The following PCNT variants were observed in gnomAD, a reference collection of about 807,000 sequenced individuals.
The protein encoded by PCNT is kendrin.
Under a neutral mutation model 380.4 loss-of-function variants are expected in PCNT, and 319 were observed. The observed-to-expected ratio is 0.84, with a 90% CI of 0.77 to 0.92. The LOEUF (loss-of-function observed/expected upper bound fraction) is 0.92. Among genes scored for constraint, PCNT ranks in the 40% least tolerant of loss-of-function variants. The pLI is 0.00. For synonymous variants in PCNT, 1,845 were observed against 1,735.2 expected (o/e 1.06, Z -1.57); for missense variants, 4,400 against 4,255.3 (o/e 1.03, Z -0.95).
intron 43 of PCNT, among the ~76,000 whole-genome samples, chr21:46,441,887 G>A (rs1279895645): frequency 2.0e-5 from 3 of 152,152 alleles, no homozygotes; most frequent in Admixed American, 2.0e-4. Flanking sequence ...AAGGGGCCTT[G>A]ACAGGTCTTA....
intron 2 of PCNT, among the ~76,000 whole-genome samples, chr21:46,328,129 T>A (rs974700871): frequency 1.3e-5 from 2 of 152,250 alleles, no homozygotes; most frequent in African/African-American, 4.8e-5. Flanking sequence ...AAGGTCATAA[T>A]GTATGTATCC....
At position 46,369,840 on chromosome 21, in the gene PCNT, G is replaced by A. The variant is rs2085054631; in HGVS notation, c.3165+2701G>A. ...GAGGACCAAAGCCCTGGACAGGGTGGGTGCCAAGGTCCTGCTCCTGGAGCA... is the reference window on the plus strand; with the variant it reads ...GAGGACCAAAGCCCTGGACAGGGTGAGTGCCAAGGTCCTGCTCCTGGAGCA... On this transcript the variant is annotated intron_variant, in intron 15 of 46. Transcript: ENST00000359568. 2.6e-5 allele frequency among the ~76,000 whole-genome samples: 4 copies of A among 152,178 alleles called. No homozygotes were observed. In the South Asian group the frequency reaches 8.3e-4, roughly 31 times the overall value.
At chr21:46,428,616 G>C (rs1222495703) in intron 35 of PCNT, 26 bp downstream of exon 35, 2 of 1,568,696 alleles carry the variant, frequency 1.3e-6, no homozygotes, top group African/African-American at 2.7e-5. Flanking sequence ...TACACTGCCT[G>C]GGGCCCGGCC....
Position 46,388,269 on chromosome 21 carries a change from T to C in PCNT, c.3465-473T>C, listed in dbSNP as rs546191937. 1.3e-5 allele frequency among the ~76,000 whole-genome samples: 2 copies of C among 151,474 alleles called. No homozygotes were observed. Among genetic ancestry groups the C allele is most frequent in the South Asian group, 2.1e-4 (1 of 4,780 alleles). ...ACGTCCACGAGGCCTAGCGAGAGGC[T>C]GGGAGACACCATCCTCTTCCTGCCA... On this transcript the variant is annotated intron_variant, in intron 17 of 46. Transcript: ENST00000359568. This position sits in a 1 kb window ranked among gnomAD's most constrained non-coding sequence, Gnocchi z 4.2.
chr21:46,349,963 C>G (rs190313837), intron 8 of PCNT, 143 bp downstream of exon 8: 1 of 854,202 alleles, frequency 1.2e-6, no homozygotes, highest in East Asian at 2.7e-5. Context: ...GTGGTTCACG[C>G]CTGTAACTCT....
chr21:46,415,400 CAG>C (rs1320329547), intron 29 of PCNT, among the ~76,000 whole-genome samples: 4 of 99,292 alleles, frequency 4.0e-5, no homozygotes, highest in Non-Finnish European at 7.2e-5. Context: ...TTTTTTGAGA[CAG>C]AGTCTCGCTC....
intron 37 of PCNT, 46 bp from the exon 38 acceptor site, chr21:46,431,483 T>G (rs2087760044): frequency 1.2e-6 from 2 of 1,613,480 alleles, no homozygotes; most frequent in African/African-American, 2.7e-5. Context: ...TGTAGACACT[T>G]TTCCTCTTGA....
At chr21:46,345,282 A>G (rs2084029993) in intron 3 of PCNT, among the ~76,000 whole-genome samples, 1 of 151,932 alleles carries the variant, frequency 6.6e-6, no homozygotes, top group Non-Finnish European at 1.5e-5. Context: ...CAGTGGTGTG[A>G]TCTCAGCTCA....
At chr21:46,441,394 A>G (rs2053602923) in intron 43 of PCNT, among the ~76,000 whole-genome samples, 1 of 152,094 alleles carries the variant, frequency 6.6e-6, no homozygotes, top group African/African-American at 2.4e-5. Flanking sequence ...TTTTCCCCCT[A>G]AACACTGTGC....
In PCNT at chr21:46,334,726, A is replaced by T. The variant is rs200995216; in HGVS notation, c.597A>T (p.Thr199=). Residue 199 remains threonine (T), a synonymous_variant, in exon 3 of 47, where the codon ACA becomes ACT. Coordinates refer to ENST00000359568, the MANE Select transcript of PCNT (RefSeq NM_006031.6). ...CACCAGAACAGCGTGGGATCTTCAC[A>T]ATCAGTGACCACCCAGCAGAACAGC... ...DHTPEQRGIF[T]ISDHPAEQRG... 1.2e-5 allele frequency: 20 copies of T among 1,613,892 alleles called. No individual in the cohort carries two copies. The highest frequency in any genetic ancestry group is 1.7e-5 in the Non-Finnish European group (20 of 1,179,862).
Position 46,416,208 on chromosome 21 carries a change from T to G in PCNT, c.6290T>G (p.Leu2097Arg), listed in dbSNP as rs2839245. 1 of 1,614,060 alleles carries G rather than the reference T, an allele frequency of 6.2e-7. No individual in the cohort carries two copies. The highest frequency in any genetic ancestry group is 8.5e-7 in the Non-Finnish European group (1 of 1,180,016). Residue 2097 changes from leucine to arginine, a missense_variant, in exon 30 of 47, where the codon CTG (leucine) becomes CGG (arginine). Coordinates refer to ENST00000359568, the MANE Select transcript of PCNT (RefSeq NM_006031.6). ...QNVDAADTKSLWPMASAHLLE... is the reference protein window; with the variant it reads ...QNVDAADTKSRWPMASAHLLE... The stretch of plus-strand genomic sequence containing the variant: ...GTGGATGCTGCCGACACCAAATCTC[T>G]GTGGCCCATGGCCTCAGCACACCTG...
At chr21:46,350,883 C>T (rs1408277468) in intron 8 of PCNT, among the ~76,000 whole-genome samples, 2 of 152,198 alleles carry the variant, frequency 1.3e-5, no homozygotes, top group Non-Finnish European at 2.9e-5. Flanking sequence ...GACAGGCCAG[C>T]CCCAGGTGCA....
chr21:46,443,841 C>T lies in PCNT; in HGVS notation c.9732C>T (p.Pro3244=). ...GAGCACGACAGCCGCAGTCTCCACC[C>T]AGAACCAGAGAGTCCCCCCCAACCC... ...GPRARQPQSP[P]RTRESPPTRD... Residue 3244 remains proline (P), a synonymous_variant, in exon 45 of 47, where the codon CCC becomes CCT. Transcript: ENST00000359568. The T allele has an allele frequency of 6.2e-7, 1 of 1,613,646 alleles. No individual in the cohort carries two copies.
chr21:46,426,073 T>A (rs923178209), intron 33 of PCNT, 102 bp downstream of exon 33: 7 of 816,148 alleles, frequency 8.6e-6, no homozygotes, highest in Admixed American at 7.7e-5. Flanking sequence ...TTCTTTCTTT[T>A]TTTTTTTTTT....
intron 31 of PCNT, among the ~76,000 whole-genome samples, chr21:46,419,660 A>G (rs1029691486): frequency 1.1e-4 from 17 of 152,182 alleles, no homozygotes; most frequent in African/African-American, 4.1e-4. Context: ...GTCCAGGTGA[A>G]TGTCATCCAA....
chr21:46,401,742 T>A (rs1194601903), intron 26 of PCNT, 21 bp downstream of exon 26: 1 of 1,613,590 alleles, frequency 6.2e-7, no homozygotes, highest in Non-Finnish European at 8.5e-7. Context: ...AGTGGGGCCA[T>A]GGGACTGCCA....
chr21:46,407,173 G>C (rs925730754), intron 27 of PCNT, among the ~76,000 whole-genome samples: 1 of 152,056 alleles, frequency 6.6e-6, no homozygotes, highest in African/African-American at 2.4e-5. Context: ...CAACAATGAA[G>C]CCATTTGGAG....
chr21:46,406,453 C>T (rs984081547), intron 27 of PCNT, among the ~76,000 whole-genome samples: 5 of 152,246 alleles, frequency 3.3e-5, no homozygotes, highest in Non-Finnish European at 7.4e-5. Context: ...TACACATACA[C>T]CTTTTGTATG....
intron 34 of PCNT, 30 bp downstream of exon 34, chr21:46,427,825 G>A (rs1346892376): frequency 6.2e-7 from 1 of 1,611,266 alleles, no homozygotes; most frequent in Non-Finnish European, 8.5e-7. Flanking sequence ...CCAGGCCTCA[G>A]TTTGCCCCAG....
Sources: allele counts gnomAD v4.1 joint callset (sites outside exome capture counted in the v4.1 genomes callset), GRCh38; gene constraint gnomAD v4.1.1; non-coding constraint Gnocchi (gnomAD v3.1); transcripts MANE v1.5; gene names NCBI Gene and HGNC (gene_info 2026-07-23, HGNC 2026-07-21).